Variants in NKAIN2 observed in about 807,000 individuals in gnomAD.
NKAIN2 encodes sodium/potassium transporting ATPase interacting 2.
In NKAIN2, 14 loss-of-function variants were observed where a neutral mutation model predicts 32.6. The ratio of observed to expected loss-of-function variants is 0.43; its 90% CI spans 0.28 to 0.67. NKAIN2 has a LOEUF of 0.67. Among genes scored for constraint, NKAIN2 ranks in the 30% least tolerant of loss-of-function variants. The pLI is 0.17. For synonymous variants in NKAIN2, 80 were observed against 87.2 expected (o/e 0.92, Z 0.46); for missense variants, 198 against 258.3 (o/e 0.77, Z 1.60).
intron 4 of NKAIN2, among the ~76,000 whole-genome samples, chr6:124,707,364 G>A (rs1475968175): frequency 2.6e-5 from 4 of 151,414 alleles, no homozygotes; most frequent in African/African-American, 9.7e-5. Context: ...CCAGTAATGG[G>A]ATGGCTGGGT....
intron 5 of NKAIN2, among the ~76,000 whole-genome samples, chr6:124,795,855 C>T (rs1169710825): frequency 6.6e-6 from 1 of 152,156 alleles, no homozygotes; most frequent in Non-Finnish European, 1.5e-5. Flanking sequence ...GCCCTACCTC[C>T]TTACACCATT....
chr6:124,281,720 A>G (rs1022599772), intron 1 of NKAIN2, among the ~76,000 whole-genome samples: 10 of 152,176 alleles, frequency 6.6e-5, no homozygotes, highest in African/African-American at 1.7e-4. Context: ...TTCTCTTTCA[A>G]TGCCTGATGG....
In NKAIN2 at chr6:124,525,885, A is replaced by C. The variant is rs532891026; in HGVS notation, c.274-132301A>C. Among the ~76,000 whole-genome samples, 67 of 152,306 alleles carry C rather than the reference A, an allele frequency of 4.4e-4. No homozygotes were observed. The South Asian group carries it at 6.0e-3, about 14-fold the overall frequency. On this transcript the variant is annotated intron_variant, in intron 3 of 6. Coordinates refer to ENST00000368417, the MANE Select transcript of NKAIN2 (RefSeq NM_001040214.3). ...GACATATTGAGAAGATAAAATAAGC[A>C]AACAGAAAATGGCCTTAAGAAAACT...
At position 124,620,929 on chromosome 6, in the gene NKAIN2, C is replaced by T. The variant is rs548724957; in HGVS notation, c.274-37257C>T. On this transcript the variant is annotated intron_variant, in intron 3 of 6. Transcript: ENST00000368417. ...AGTAGTAAACTTCAAAATCTTGACA[C>T]AATAAATAGGCAATACTTAGGGTTG... Among the ~76,000 whole-genome samples the T allele has an allele frequency of 6.6e-5, 10 of 152,280 alleles. No homozygotes were observed. The East Asian group carries it at 1.7e-3, about 26-fold the overall frequency.
intron 1 of NKAIN2, among the ~76,000 whole-genome samples, chr6:124,035,090 A>G (rs185495815): frequency 1.8e-3 from 267 of 152,246 alleles, no homozygotes; most frequent in African/African-American, 5.9e-3. Flanking sequence ...GCAAATATGT[A>G]TAATTATTTT....
chr6:124,359,269 C>G (rs1422791370), intron 3 of NKAIN2, among the ~76,000 whole-genome samples: 1 of 151,676 alleles, frequency 6.6e-6, no homozygotes, highest in Non-Finnish European at 1.5e-5. Context: ...CTTTTTTGTT[C>G]CATATGAACT....
intron 1 of NKAIN2, among the ~76,000 whole-genome samples, chr6:123,978,820 TTATC>T (rs1467276542): frequency 6.6e-6 from 1 of 152,160 alleles, no homozygotes; most frequent in Non-Finnish European, 1.5e-5. Context: ...AATTCAATAT[TTATC>T]AGGCGAATTA....
In NKAIN2 at chr6:124,131,047, T is replaced by C. The variant is rs528830172; in HGVS notation, c.55-151958T>C. On this transcript the variant is annotated intron_variant, in intron 1 of 6. Transcript: ENST00000368417. ...CTAACAAAGACACACAAAGAACTGC[T>C]AGCTATTACTTTCCATGATGTTTAG... Among the ~76,000 whole-genome samples, 4 of 152,356 alleles carry C rather than the reference T, an allele frequency of 2.6e-5. No individual in the cohort carries two copies. The South Asian group carries it at 6.2e-4, about 24-fold the overall frequency.
intron 3 of NKAIN2, among the ~76,000 whole-genome samples, chr6:124,428,859 G>C (rs993165466): frequency 6.6e-6 from 1 of 151,994 alleles, no homozygotes. Flanking sequence ...GCTGATGTGG[G>C]GTGTGTATAA....
At chr6:124,007,637 G>A (rs941993087) in intron 1 of NKAIN2, among the ~76,000 whole-genome samples, 1 of 152,148 alleles carries the variant, frequency 6.6e-6, no homozygotes, top group African/African-American at 2.4e-5. Context: ...TGTTGAAGTA[G>A]AAGGATGTAC....
chr6:124,453,521 G>A (rs1351237872), intron 3 of NKAIN2, among the ~76,000 whole-genome samples: 1 of 151,998 alleles, frequency 6.6e-6, no homozygotes, highest in African/African-American at 2.4e-5. Context: ...AAAAAAAAGT[G>A]AGGAACCATT....
chr6:124,148,978 C>A (rs1260723156), intron 1 of NKAIN2, among the ~76,000 whole-genome samples: 3 of 151,988 alleles, frequency 2.0e-5, no homozygotes, highest in African/African-American at 7.2e-5. Flanking sequence ...TTGTTATTGT[C>A]TTTTATTTTT....
rs115464001 is a variant in NKAIN2 at position 124,816,270 on chromosome 6, G to A, written c.536-2117G>A. Among the ~76,000 whole-genome samples the A allele has an allele frequency of 2.9e-3, 443 of 152,240 alleles. 3 individuals are homozygous for A. Among genetic ancestry groups the A allele is most frequent in the African/African-American group, 9.9e-3 (411 of 41,526 alleles). ...GACAGTAAAAAGATCAGTGATTGCC[G>A]GGGGTTGGGGGAGGAAAGGATGATT... On this transcript the variant is annotated intron_variant, in intron 5 of 6. Transcript: ENST00000368417.
intron 4 of NKAIN2, among the ~76,000 whole-genome samples, chr6:124,708,742 A>C (rs1291440966): frequency 6.6e-6 from 1 of 152,034 alleles, no homozygotes; most frequent in Non-Finnish European, 1.5e-5. Flanking sequence ...GTTTGGGCTG[A>C]GACAATGGGG....
At chr6:124,685,997 A>T (rs1434522758) in intron 4 of NKAIN2, among the ~76,000 whole-genome samples, 1 of 152,160 alleles carries the variant, frequency 6.6e-6, no homozygotes, top group Non-Finnish European at 1.5e-5. Flanking sequence ...TTCTCAGCTG[A>T]GGCTTGGCTG....
At chr6:124,126,211 T>C (rs143377225) in intron 1 of NKAIN2, among the ~76,000 whole-genome samples, 1,636 of 152,248 alleles carry the variant, frequency 0.011, 32 homozygotes, top group African/African-American at 0.037. Context: ...CTCCCTCTAA[T>C]ACTCTAGCTC....
chr6:124,453,588 A>T (rs1583276725), intron 3 of NKAIN2, among the ~76,000 whole-genome samples: 1 of 152,190 alleles, frequency 6.6e-6, no homozygotes, highest in Non-Finnish European at 1.5e-5. Context: ...AAATTCAGAG[A>T]CTATTAAAAG....
chr6:124,638,096 G>GA (rs1041683239), intron 3 of NKAIN2, among the ~76,000 whole-genome samples: 10 of 151,942 alleles, frequency 6.6e-5, no homozygotes, highest in Middle Eastern at 3.4e-3. Flanking sequence ...AGAGAACCCA[G>GA]AAAAAAAATC....
At chr6:124,191,555 G>A (rs185382539) in intron 1 of NKAIN2, among the ~76,000 whole-genome samples, 8 of 152,204 alleles carry the variant, frequency 5.3e-5, no homozygotes, top group African/African-American at 1.4e-4. Flanking sequence ...ACAACAGTGA[G>A]CTGTATGTCT....
Sources: gnomAD v4.1 joint callset for allele counts (sites outside exome capture counted in the v4.1 genomes callset) on GRCh38, gnomAD v4.1.1 for gene constraint, MANE v1.5 for transcripts, NCBI Gene and HGNC (gene_info 2026-07-23, HGNC 2026-07-21) for gene names.